KCNH7: variants seen among roughly 807,000 people sequenced by gnomAD.
KCNH7 encodes the protein voltage-gated inwardly rectifying potassium channel KCNH7.
In KCNH7, 49 loss-of-function variants were observed where a neutral mutation model predicts 120.8. The ratio of observed to expected loss-of-function variants is 0.41; its 90% CI spans 0.32 to 0.51. The LOEUF (loss-of-function observed/expected upper bound fraction) is 0.51. Ranked by LOEUF, KCNH7 falls within the 20% of genes least tolerant of loss-of-function variation. The pLI is 0.38. For synonymous variants in KCNH7, 547 were observed against 516.1 expected (o/e 1.06, Z -0.81); for missense variants, 1,097 against 1,446.6 (o/e 0.76, Z 3.92).
chr2:162,626,297 G>C (rs1271039493), intron 2 of KCNH7, among the ~76,000 whole-genome samples: 1 of 152,010 alleles, frequency 6.6e-6, no homozygotes, highest in Non-Finnish European at 1.5e-5. Flanking sequence ...GATGATGAAG[G>C]CCTTATGTAA....
chr2:162,380,407 A>G (rs1279401568), intron 13 of KCNH7, among the ~76,000 whole-genome samples: 1 of 152,124 alleles, frequency 6.6e-6, no homozygotes, highest in Admixed American at 6.6e-5. Context: ...TCTAGGGTTT[A>G]AGATTTTTAG....
At chr2:162,819,409 C>A (rs1030662038) in intron 2 of KCNH7, among the ~76,000 whole-genome samples, 1 of 152,086 alleles carries the variant, frequency 6.6e-6, no homozygotes, top group Non-Finnish European at 1.5e-5. Flanking sequence ...ATGACACAGA[C>A]AAAATGTGCA....
At chr2:162,816,447 A>G (rs1402360191) in intron 2 of KCNH7, among the ~76,000 whole-genome samples, 1 of 152,164 alleles carries the variant, frequency 6.6e-6, no homozygotes. Context: ...GAAAAGTACA[A>G]ACAGAAATCA....
intron 2 of KCNH7, among the ~76,000 whole-genome samples, chr2:162,754,859 G>A (rs1688729576): frequency 6.6e-6 from 1 of 152,148 alleles, no homozygotes. Context: ...AGCTCTTGTG[G>A]AGTGCTTAGA....
chr2:162,534,199 A>T (rs1488880593), intron 3 of KCNH7, among the ~76,000 whole-genome samples: 1 of 151,552 alleles, frequency 6.6e-6, no homozygotes, highest in Non-Finnish European at 1.5e-5. Flanking sequence ...TCATATACCA[A>T]AAAACTGAAA....
intron 2 of KCNH7, among the ~76,000 whole-genome samples, chr2:162,561,212 G>T (rs1166501280): frequency 6.6e-6 from 1 of 151,972 alleles, no homozygotes; most frequent in African/African-American, 2.4e-5. Flanking sequence ...CATTCATGAT[G>T]CATATGCTCC....
At chr2:162,716,041 T>G (rs1167448495) in intron 2 of KCNH7, among the ~76,000 whole-genome samples, 1 of 152,034 alleles carries the variant, frequency 6.6e-6, no homozygotes, top group East Asian at 1.9e-4. Context: ...ATTAAAAATT[T>G]TATTATTCCT....
At position 162,645,336 on chromosome 2, in the gene KCNH7, C is replaced by T. The variant is rs552085462; in HGVS notation, c.308-108256G>A. ...CTAATTTTTATACTTTTAGTAGAGA[C>T]GGAATTTCACTATCTTGGCCAGGAT... On this transcript the variant is annotated intron_variant, in intron 2 of 15. Transcript: ENST00000332142. Among the ~76,000 whole-genome samples, 86 of 152,144 alleles carry T rather than the reference C, an allele frequency of 5.7e-4. 1 individual carries two copies. The highest frequency in any genetic ancestry group is 1.0e-3 in the Non-Finnish European group (71 of 67,998).
intron 2 of KCNH7, among the ~76,000 whole-genome samples, chr2:162,788,863 A>T (rs1162833902): frequency 1.3e-5 from 2 of 151,962 alleles, no homozygotes; most frequent in Admixed American, 6.6e-5. Context: ...CAAACAGAGG[A>T]TTATAAATTA....
At chr2:162,752,773 C>G (rs566035957) in intron 2 of KCNH7, among the ~76,000 whole-genome samples, 5 of 150,902 alleles carry the variant, frequency 3.3e-5, no homozygotes, top group Non-Finnish European at 5.9e-5. Flanking sequence ...ATGGTGTGTG[C>G]CTTGTAATCC....
At chr2:162,790,096 G>T (rs534760820) in intron 2 of KCNH7, among the ~76,000 whole-genome samples, 1 of 151,010 alleles carries the variant, frequency 6.6e-6, no homozygotes, top group Admixed American at 6.6e-5. Flanking sequence ...ACTTTAACTA[G>T]ATTATCTAAG....
rs555044441 is a variant in KCNH7 at position 162,743,878 on chromosome 2, T to A, written c.307+92659A>T. 5.6e-4 allele frequency among the ~76,000 whole-genome samples: 86 copies of A among 152,230 alleles called. 1 individual carries two copies. The South Asian group carries it at 0.011, about 19-fold the overall frequency. ...AAGAGAAATAATATATTTTAAAATA[T>A]TTTTTCATATATAATACTAGTGGGT... On this transcript the variant is annotated intron_variant, in intron 2 of 15. Coordinates refer to ENST00000332142, the MANE Select transcript of KCNH7 (RefSeq NM_033272.4).
At chr2:162,796,241 T>A (rs1684141580) in intron 2 of KCNH7, 1 of 152,038 alleles carries the variant, frequency 6.6e-6, no homozygotes, top group Admixed American at 6.6e-5. Flanking sequence ...ATTTTTCTTA[T>A]CTGTAAAATG....
At chr2:162,826,237 G>T (rs868307294) in intron 2 of KCNH7, among the ~76,000 whole-genome samples, 2 of 152,092 alleles carry the variant, frequency 1.3e-5, no homozygotes, top group Non-Finnish European at 2.9e-5. Flanking sequence ...TAATTGCAAG[G>T]TTTTATAAGT....
Position 162,648,459 on chromosome 2 carries a change from C to T in KCNH7, c.308-111379G>A, listed in dbSNP as rs573196203. Reference sequence around the variant, plus strand: ...ATTTCACCTGAGATTTGGGTGGGGACGCAGAGCCAAACCATATCAACCACA... The same window carrying T: ...ATTTCACCTGAGATTTGGGTGGGGATGCAGAGCCAAACCATATCAACCACA... On this transcript the variant is annotated intron_variant, in intron 2 of 15. Transcript: ENST00000332142. 2.0e-3 allele frequency among the ~76,000 whole-genome samples: 304 copies of T among 152,268 alleles called. 1 individual carries two copies. Among genetic ancestry groups the T allele is most frequent in the South Asian group, 0.017 (83 of 4,830 alleles).
intron 2 of KCNH7, among the ~76,000 whole-genome samples, chr2:162,820,672 G>A (rs1685090157): frequency 1.3e-5 from 2 of 151,934 alleles, no homozygotes; most frequent in South Asian, 2.1e-4. Flanking sequence ...AGCTAAATTT[G>A]CTTACAAACT....
At chr2:162,630,091 A>C (rs1436225264) in intron 2 of KCNH7, among the ~76,000 whole-genome samples, 1 of 152,116 alleles carries the variant, frequency 6.6e-6, no homozygotes, top group African/African-American at 2.4e-5. Context: ...CATGGAATTA[A>C]GGCAATCAAG....
intron 9 of KCNH7, 130 bp downstream of exon 9, chr2:162,423,206 G>C: frequency 6.4e-7 from 1 of 1,566,140 alleles, no homozygotes; most frequent in Non-Finnish European, 8.7e-7. Context: ...ATCTCCAGGG[G>C]AGAAAATACA....
intron 6 of KCNH7, among the ~76,000 whole-genome samples, chr2:162,491,139 C>T (rs766519144): frequency 1.3e-5 from 2 of 152,208 alleles, no homozygotes; most frequent in Non-Finnish European, 1.5e-5. Flanking sequence ...TCCGACCCAT[C>T]CTGCCATGAA....
Sources: gnomAD v4.1 joint callset for allele counts (sites outside exome capture counted in the v4.1 genomes callset) on GRCh38, gnomAD v4.1.1 for gene constraint, MANE v1.5 for transcripts, NCBI Gene and HGNC (gene_info 2026-07-23, HGNC 2026-07-21) for gene names.